The following RBFOX1 variants were observed in gnomAD, a reference collection of about 807,000 sequenced individuals.
The protein encoded by RBFOX1 is RNA binding fox-1 homolog 1, also known as RNA binding protein fox-1 homolog 1.
A neutral mutation model predicts 57.7 loss-of-function variants in RBFOX1; 8 were observed. That is an observed-to-expected ratio of 0.14 (90% CI 0.08 to 0.25). RBFOX1 has a LOEUF of 0.25. Among genes scored for constraint, RBFOX1 ranks in the 10% least tolerant of loss-of-function variants. The probability of loss-of-function intolerance (pLI) is 1.00; values close to 1 mark genes in which losing one functional copy is unlikely to be tolerated. For synonymous variants in RBFOX1, 326 were observed against 222.4 expected (o/e 1.47, Z -4.15); for missense variants, 611 against 548.5 (o/e 1.11, Z -1.14).
chr16:6,303,491 G>A (rs559883828), intron 1 of RBFOX1, among the ~76,000 whole-genome samples: 1 of 152,180 alleles, frequency 6.6e-6, no homozygotes, highest in Admixed American at 6.5e-5. Flanking sequence ...TGTTCTCAGT[G>A]GTGTAAATAA....
intron 4 of RBFOX1, among the ~76,000 whole-genome samples, chr16:7,237,543 G>A (rs2093830629): frequency 6.6e-6 from 1 of 152,224 alleles, no homozygotes; most frequent in Non-Finnish European, 1.5e-5. Context: ...AAAGCAAAGT[G>A]CTTAGACTCT....
intron 4 of RBFOX1, among the ~76,000 whole-genome samples, chr16:7,266,583 A>T (rs551227604): frequency 6.6e-6 from 1 of 152,178 alleles, no homozygotes; most frequent in Non-Finnish European, 1.5e-5. Context: ...CCAAAGCTCT[A>T]TCTCTGAATA....
At chr16:6,253,023 C>T (rs1471308342) in intron 1 of RBFOX1, among the ~76,000 whole-genome samples, 1 of 152,154 alleles carries the variant, frequency 6.6e-6, no homozygotes, top group Non-Finnish European at 1.5e-5. Context: ...TCCACTTTTA[C>T]AGATAAGGGT....
intron 3 of RBFOX1, among the ~76,000 whole-genome samples, chr16:6,855,888 C>T (rs1603632832): frequency 7.7e-6 from 1 of 129,630 alleles, no homozygotes; most frequent in Admixed American, 7.7e-5. Context: ...CCCTCCTTGT[C>T]TCCCTCCTTA....
At chr16:6,655,706 A>G (rs1294474864) in intron 3 of RBFOX1, among the ~76,000 whole-genome samples, 2 of 152,196 alleles carry the variant, frequency 1.3e-5, no homozygotes. Flanking sequence ...AAGAGGTCAA[A>G]TAAGCAAGTT....
intron 2 of RBFOX1, among the ~76,000 whole-genome samples, chr16:5,529,340 G>T (rs569269936): frequency 6.6e-6 from 1 of 150,962 alleles, no homozygotes; most frequent in Admixed American, 6.6e-5. Flanking sequence ...AATTAGTTAA[G>T]ATGATGTCAT....
At chr16:6,818,964 G>C (rs1384970706) in intron 3 of RBFOX1, among the ~76,000 whole-genome samples, 1 of 148,064 alleles carries the variant, frequency 6.8e-6, no homozygotes, top group Non-Finnish European at 1.5e-5. Flanking sequence ...ACCTCTCCAT[G>C]GGTTGAAAGG....
chr16:6,544,605 C>G (rs763804095), intron 2 of RBFOX1, among the ~76,000 whole-genome samples: 1 of 152,188 alleles, frequency 6.6e-6, no homozygotes, highest in Non-Finnish European at 1.5e-5. Context: ...TTTTCATTAA[C>G]TTCATGGGTG....
chr16:7,238,819 T>G (rs1408482519), intron 4 of RBFOX1, among the ~76,000 whole-genome samples: 1 of 152,148 alleles, frequency 6.6e-6, no homozygotes, highest in Non-Finnish European at 1.5e-5. Flanking sequence ...GAGACCCCAG[T>G]GTGTGTTGTT....
chr16:6,062,154 C>T (rs191893837), intron 1 of RBFOX1, among the ~76,000 whole-genome samples: 5 of 152,322 alleles, frequency 3.3e-5, no homozygotes, highest in Admixed American at 1.3e-4. Flanking sequence ...TCCTTGCCGT[C>T]TCTGGGTGCA....
intron 4 of RBFOX1, among the ~76,000 whole-genome samples, chr16:7,293,144 G>T (rs1053710415): frequency 1.3e-5 from 2 of 152,158 alleles, no homozygotes; most frequent in Non-Finnish European, 2.9e-5. Flanking sequence ...CATAGATTCA[G>T]TCAACTGCAG....
chr16:7,451,199 T>A (rs1476930925), intron 4 of RBFOX1, among the ~76,000 whole-genome samples: 2 of 152,190 alleles, frequency 1.3e-5, no homozygotes, highest in Non-Finnish European at 2.9e-5. Context: ...CGGATTTCTA[T>A]GGAGGCTTTT....
At chr16:6,675,960 G>C (rs1235445168) in intron 3 of RBFOX1, among the ~76,000 whole-genome samples, 1 of 152,094 alleles carries the variant, frequency 6.6e-6, no homozygotes, top group Non-Finnish European at 1.5e-5. Flanking sequence ...TGGAACTTTG[G>C]ACAAGCGTCA....
At chr16:7,000,596 C>CTTTTTTTTTTTTTTTTTTTTTTTTTTCT (rs759103545) in intron 3 of RBFOX1, among the ~76,000 whole-genome samples, 1 of 92,596 alleles carries the variant, frequency 1.1e-5, no homozygotes. Flanking sequence ...CTTTTTCTTT[C>CTTTTTTTTTTTTTTTTTTTTTTTTTTCT]TTTTTTTTTT....
At chr16:5,573,018 A>G (rs549509852) in intron 2 of RBFOX1, among the ~76,000 whole-genome samples, 2 of 152,146 alleles carry the variant, frequency 1.3e-5, no homozygotes, top group Non-Finnish European at 2.9e-5. Flanking sequence ...CAGCCACTGC[A>G]TGTACAGAGG....
intron 5 of RBFOX1, among the ~76,000 whole-genome samples, chr16:7,543,911 G>C (rs1247093372): frequency 1.3e-5 from 2 of 151,802 alleles, no homozygotes; most frequent in Non-Finnish European, 2.9e-5. Flanking sequence ...AGTAGAGACA[G>C]AGTTTCACCA....
chr16:5,508,844 G>T (rs1181829989), intron 2 of RBFOX1, among the ~76,000 whole-genome samples: 3 of 152,212 alleles, frequency 2.0e-5, no homozygotes, highest in African/African-American at 7.2e-5. Flanking sequence ...AATGTGGTGG[G>T]ACTGTATTCC....
chr16:6,524,123 AC>A (rs2153807521), intron 2 of RBFOX1, among the ~76,000 whole-genome samples: 1 of 151,926 alleles, frequency 6.6e-6, no homozygotes, highest in African/African-American at 2.4e-5. Flanking sequence ...CCCATTAACC[AC>A]CCTTATTTCC....
intron 4 of RBFOX1, among the ~76,000 whole-genome samples, chr16:5,906,767 C>A (rs937928182): frequency 7.8e-6 from 1 of 127,478 alleles, no homozygotes; most frequent in Admixed American, 9.5e-5. Flanking sequence ...TGGAGTCTCG[C>A]ACTGTCTTCC....
Sources: allele counts gnomAD v4.1 joint callset (sites outside exome capture counted in the v4.1 genomes callset), GRCh38; gene constraint gnomAD v4.1.1; transcripts MANE v1.5; gene names NCBI Gene and HGNC (gene_info 2026-07-23, HGNC 2026-07-21).